The following TYW1 variants were observed in gnomAD, a reference collection of about 807,000 sequenced individuals.
The protein encoded by TYW1 is tRNA-yW synthesizing protein 1 homolog.
Under a neutral mutation model 96.2 loss-of-function variants are expected in TYW1, and 46 were observed. The ratio of observed to expected loss-of-function variants is 0.48; its 90% CI spans 0.38 to 0.61. The LOEUF is 0.61. Ranked by LOEUF, TYW1 falls within the 20% of genes least tolerant of loss-of-function variation. The pLI is 0.00. For synonymous variants in TYW1, 274 were observed against 323.0 expected (o/e 0.85, Z 1.63); for missense variants, 684 against 909.6 (o/e 0.75, Z 3.19).
intron 11 of TYW1, among the ~76,000 whole-genome samples, chr7:67,096,756 C>A (rs1796933654): frequency 1.3e-5 from 2 of 152,160 alleles, no homozygotes; most frequent in South Asian, 4.2e-4. Flanking sequence ...CTGATAGGCC[C>A]CAGTGTGTGT....
intron 13 of TYW1, among the ~76,000 whole-genome samples, chr7:67,171,314 A>AT (rs1292265386): frequency 6.6e-6 from 1 of 151,718 alleles, no homozygotes; most frequent in Non-Finnish European, 1.5e-5. Flanking sequence ...CGTTTAGTTG[A>AT]TTTTTTCATA....
At chr7:67,186,211 A>G (rs531369179) in intron 14 of TYW1, among the ~76,000 whole-genome samples, 23 of 144,136 alleles carry the variant, frequency 1.6e-4, no homozygotes, top group South Asian at 1.4e-3. Context: ...TAAAACCTCT[A>G]TTATAATAAA....
At chr7:67,120,326 G>A (rs976148140) in intron 13 of TYW1, among the ~76,000 whole-genome samples, 11 of 151,988 alleles carry the variant, frequency 7.2e-5, no homozygotes, top group Admixed American at 1.3e-4. Context: ...CAAGTGATCC[G>A]CCTGCCTCAA....
At chr7:67,058,416 G>A (rs187895164) in intron 9 of TYW1, among the ~76,000 whole-genome samples, 3 of 152,294 alleles carry the variant, frequency 2.0e-5, no homozygotes, top group East Asian at 1.9e-4. Context: ...GTCATTGGCC[G>A]AGGGGGCGGA....
chr7:67,119,434 G>A (rs777995746), intron 13 of TYW1, among the ~76,000 whole-genome samples: 11 of 152,124 alleles, frequency 7.2e-5, no homozygotes, highest in Admixed American at 2.0e-4. Context: ...TTCCCCAGGA[G>A]GGCCATGCTT....
At chr7:67,148,306 G>A (rs10228489) in intron 13 of TYW1, among the ~76,000 whole-genome samples, 45,368 of 151,004 alleles carry the variant, frequency 0.3, 7,121 homozygotes, top group African/African-American at 0.39. Flanking sequence ...ATTGTGATAT[G>A]TGTGTAAATG....
At chr7:67,224,348 A>T (rs1187058677) in intron 15 of TYW1, among the ~76,000 whole-genome samples, 1 of 152,218 alleles carries the variant, frequency 6.6e-6, no homozygotes, top group Non-Finnish European at 1.5e-5. Context: ...GCCGGTCTTG[A>T]ACTCCTGATC....
intron 13 of TYW1, among the ~76,000 whole-genome samples, chr7:67,177,873 G>A (rs1799722439): frequency 6.6e-6 from 1 of 151,616 alleles, no homozygotes; most frequent in Non-Finnish European, 1.5e-5. Flanking sequence ...GACAAGTACA[G>A]CTGGGCACGT....
intron 7 of TYW1, among the ~76,000 whole-genome samples, chr7:67,038,657 A>G (rs765095285): frequency 1.3e-5 from 2 of 152,026 alleles, no homozygotes; most frequent in African/African-American, 2.4e-5. Context: ...TAATCCCAGC[A>G]CTTTGGGAGG....
chr7:67,229,521 A>G (rs905255794), intron 15 of TYW1, among the ~76,000 whole-genome samples: 1 of 148,814 alleles, frequency 6.7e-6, no homozygotes, highest in African/African-American at 2.5e-5. Flanking sequence ...CCTGGGCAAC[A>G]GAGTGAGACT....
chr7:67,175,170 ATT>A (rs371564844), intron 13 of TYW1, among the ~76,000 whole-genome samples: 18 of 136,728 alleles, frequency 1.3e-4, no homozygotes, highest in Admixed American at 3.0e-4. Flanking sequence ...TTAGTTCAGA[ATT>A]TTTTTTTTTT....
chr7:67,006,600 A>G (rs1793601235), intron 3 of TYW1, among the ~76,000 whole-genome samples: 2 of 151,318 alleles, frequency 1.3e-5, no homozygotes, highest in Non-Finnish European at 2.9e-5. Context: ...CACCATGCCC[A>G]GCTAATTTTT....
At chr7:67,200,476 T>A (rs1020963494) in intron 15 of TYW1, among the ~76,000 whole-genome samples, 2 of 151,712 alleles carry the variant, frequency 1.3e-5, no homozygotes, top group African/African-American at 2.4e-5. Flanking sequence ...AGGAAACTCC[T>A]TATAAAACCA....
At chr7:67,038,327 C>G (rs529715644) in intron 7 of TYW1, among the ~76,000 whole-genome samples, 1 of 150,966 alleles carries the variant, frequency 6.6e-6, no homozygotes, top group Non-Finnish European at 1.5e-5. Context: ...CACACCAGGC[C>G]GGGCTTGGTG....
intron 3 of TYW1, among the ~76,000 whole-genome samples, chr7:67,005,386 A>C (rs910904617): frequency 1.3e-5 from 2 of 152,224 alleles, no homozygotes; most frequent in African/African-American, 2.4e-5. Flanking sequence ...ACTTGAGACC[A>C]GGAGTTTGAG....
intron 13 of TYW1, among the ~76,000 whole-genome samples, chr7:67,151,787 A>ATGC (rs1032199083): frequency 7.0e-6 from 1 of 142,970 alleles, no homozygotes; most frequent in Non-Finnish European, 1.5e-5. Context: ...GAACACAGCC[A>ATGC]TGCTGCTGCT....
chr7:67,021,664 G>A (rs1319866449), intron 6 of TYW1, among the ~76,000 whole-genome samples: 1 of 152,104 alleles, frequency 6.6e-6, no homozygotes, highest in Non-Finnish European at 1.5e-5. Flanking sequence ...GGAATGTGTC[G>A]CATTAATTTT....
intron 7 of TYW1, among the ~76,000 whole-genome samples, chr7:67,034,109 AT>A (rs11324667): frequency 0.59 from 83,656 of 141,062 alleles, 24,178 homozygotes; most frequent in Middle Eastern, 0.7. Flanking sequence ...TTTTTATTTT[AT>A]TTTTTTTTTT....
intron 13 of TYW1, among the ~76,000 whole-genome samples, chr7:67,127,356 T>G (rs1015373403): frequency 1.3e-5 from 2 of 151,810 alleles, no homozygotes; most frequent in African/African-American, 2.4e-5. Context: ...GACAGGGTTT[T>G]ACCATGTTGG....
Sources: allele counts gnomAD v4.1 joint callset (sites outside exome capture counted in the v4.1 genomes callset), GRCh38; gene constraint gnomAD v4.1.1; transcripts MANE v1.5; gene names NCBI Gene and HGNC (gene_info 2026-07-23, HGNC 2026-07-21).